SEPTIN7: variants seen among roughly 807,000 people sequenced by gnomAD.
The protein encoded by SEPTIN7 is septin 7.
In SEPTIN7, 10 loss-of-function variants were observed where a neutral mutation model predicts 63.3. The ratio of observed to expected loss-of-function variants is 0.16; its 90% CI spans 0.10 to 0.27. The LOEUF (loss-of-function observed/expected upper bound fraction) is 0.27, where lower values mean the gene tolerates loss of function less well. Ranked by LOEUF, SEPTIN7 falls within the 10% of genes least tolerant of loss-of-function variation. SEPTIN7 has a pLI of 1.00. For missense variants in SEPTIN7, 310 were observed against 521.0 expected (o/e 0.59, Z 3.94); for synonymous variants, 131 against 165.3 (o/e 0.79, Z 1.59).
At chr7:35,908,990 G>A (rs1443953860), downstream of SEPTIN7, among the ~76,000 whole-genome samples, 1 of 152,238 alleles carries the variant, frequency 6.6e-6, no homozygotes, top group Non-Finnish European at 1.5e-5. Context: ...GGATAAGCCA[G>A]TAGTTTTAAG....
intron 6 of SEPTIN7, among the ~76,000 whole-genome samples, chr7:35,875,839 G>A (rs914742935): frequency 1.3e-5 from 2 of 152,054 alleles, no homozygotes; most frequent in Non-Finnish European, 2.9e-5. Context: ...TTATGCTGTA[G>A]ACTTTGAGGT....
At chr7:35,819,992 T>C (rs1789316258) in intron 1 of SEPTIN7, among the ~76,000 whole-genome samples, 1 of 152,134 alleles carries the variant, frequency 6.6e-6, no homozygotes, top group African/African-American at 2.4e-5. Flanking sequence ...CTTTTTTTTT[T>C]TTTTGAGACA....
At chr7:35,886,534 A>C (rs1314293605) in intron 10 of SEPTIN7, among the ~76,000 whole-genome samples, 1 of 152,226 alleles carries the variant, frequency 6.6e-6, no homozygotes, top group African/African-American at 2.4e-5. Flanking sequence ...GACAAGGAAC[A>C]GAAAGGGCAT....
chr7:35,880,077 C>G, intron 7 of SEPTIN7, 137 bp downstream of exon 7: 1 of 596,560 alleles, frequency 1.7e-6, no homozygotes, highest in Non-Finnish European at 3.1e-6. Context: ...TTAGAAATAA[C>G]TCTTCAATCT....
intron 1 of SEPTIN7, among the ~76,000 whole-genome samples, chr7:35,816,110 C>A (rs185762453): frequency 5.3e-5 from 8 of 152,000 alleles, no homozygotes; most frequent in Admixed American, 5.2e-4. Flanking sequence ...TAAAATATAC[C>A]CCTTGAAAGC....
At chr7:35,876,717 C>G (rs1786495008) in intron 6 of SEPTIN7, among the ~76,000 whole-genome samples, 1 of 152,174 alleles carries the variant, frequency 6.6e-6, no homozygotes, top group Admixed American at 6.5e-5. Context: ...ACCTGTAATT[C>G]TAGCACTTTG....
At chr7:35,876,540 A>T (rs1786483295) in intron 6 of SEPTIN7, among the ~76,000 whole-genome samples, 1 of 152,174 alleles carries the variant, frequency 6.6e-6, no homozygotes, top group Non-Finnish European at 1.5e-5. Context: ...TTTTTTTTCA[A>T]AAATGGATAG....
At chr7:35,851,339 C>A (rs199693728) in intron 3 of SEPTIN7, among the ~76,000 whole-genome samples, 40 of 152,120 alleles carry the variant, frequency 2.6e-4, no homozygotes, top group East Asian at 1.7e-3. Context: ...CCAGTTATTT[C>A]CCCTTAAACT....
intron 1 of SEPTIN7, among the ~76,000 whole-genome samples, chr7:35,811,750 G>A (rs1462421836): frequency 5.9e-5 from 9 of 152,076 alleles, no homozygotes; most frequent in Non-Finnish European, 1.0e-4. Context: ...AAGGCTGGGC[G>A]CGGTGGCTCA....
At chr7:35,823,221 G>T (rs1783319644) in intron 1 of SEPTIN7, among the ~76,000 whole-genome samples, 1 of 152,020 alleles carries the variant, frequency 6.6e-6, no homozygotes, top group South Asian at 2.1e-4. Context: ...ATTTTTTCGA[G>T]ACAGAGTTTC....
chr7:35,871,445 A>G (rs978055630), intron 4 of SEPTIN7, among the ~76,000 whole-genome samples: 1 of 152,240 alleles, frequency 6.6e-6, no homozygotes, highest in South Asian at 2.1e-4. Context: ...TCAGATTTCA[A>G]GGACTAAGTA....
At chr7:35,822,781 A>C (rs779592119) in intron 1 of SEPTIN7, among the ~76,000 whole-genome samples, 6 of 152,212 alleles carry the variant, frequency 3.9e-5, no homozygotes, top group Non-Finnish European at 8.8e-5. Context: ...TCTCCTTCAA[A>C]AAGAACCCTG....
intron 4 of SEPTIN7, among the ~76,000 whole-genome samples, chr7:35,865,089 A>G (rs1038423834): frequency 4.0e-5 from 6 of 151,356 alleles, no homozygotes; most frequent in Admixed American, 1.3e-4. Flanking sequence ...ATTATGCTCT[A>G]AAAACTTGTT....
At position 35,890,527 on chromosome 7, in the gene SEPTIN7, C is replaced by G. The variant is rs1787567991; in HGVS notation, c.873-141C>G. The G allele has an allele frequency of 8.0e-6, 5 of 623,464 alleles. No individual in the cohort carries two copies. The Admixed American group carries it at 1.3e-4, about 16-fold the overall frequency. The allele number at this position is 623,464 out of a possible 1,614,324, so 38.6% of individuals were successfully genotyped here. A position where few individuals can be genotyped will look rare whatever the true frequency, so the allele number is the denominator to read the frequency against. On this transcript the variant is annotated intron_variant, in intron 10 of 13. Transcript: ENST00000350320. ...TGTAAATGAAAACAGATGAATGCCACCTTCCTTAACAATAGTCTTTTGTTC... is the reference window on the plus strand; with the variant it reads ...TGTAAATGAAAACAGATGAATGCCAGCTTCCTTAACAATAGTCTTTTGTTC...
At chr7:35,912,606 C>T in the SEPTIN7 span, among the ~76,000 whole-genome samples, 5 of 152,208 alleles carry the variant, frequency 3.3e-5, no homozygotes, top group African/African-American at 1.2e-4. Flanking sequence ...GTTAGAGTCT[C>T]CCCGACTGAG....
At position 35,879,950 on chromosome 7, in the gene SEPTIN7, A is replaced by G. The variant is rs1313960016; in HGVS notation, c.630+10A>G. On this transcript the variant is annotated intron_variant, in intron 7 of 13. Transcript: ENST00000350320. ...ACAGTTTAAAAAACAGGTGAGCAGG[A>G]TGTGTTAACCCAGGTTTCTTATACC... 2.7e-6 allele frequency: 4 copies of G among 1,474,320 alleles called. No homozygotes were observed. The highest frequency in any genetic ancestry group is 2.8e-6 in the Non-Finnish European group (3 of 1,068,594). 91.3% of individuals were successfully genotyped at this position (1,474,320 alleles called of 1,614,324 possible).
chr7:35,801,384 C>T (rs975716209), intron 1 of SEPTIN7, 114 bp downstream of exon 1: 10 of 1,326,252 alleles, frequency 7.5e-6, no homozygotes, highest in Non-Finnish European at 1.0e-5. Context: ...GAGGCAGCGG[C>T]GAGGGGAGCC....
At chr7:35,866,678 T>A (rs1207314711) in intron 4 of SEPTIN7, among the ~76,000 whole-genome samples, 1 of 152,214 alleles carries the variant, frequency 6.6e-6, no homozygotes, top group Non-Finnish European at 1.5e-5. Flanking sequence ...ATTTTTAGCC[T>A]CCTGTGTGTA....
downstream of SEPTIN7, among the ~76,000 whole-genome samples, chr7:35,910,308 G>T (rs1583667933): frequency 6.6e-6 from 1 of 152,176 alleles, no homozygotes; most frequent in Non-Finnish European, 1.5e-5. Context: ...TTTATAAATA[G>T]TCTTATTTGG....
Sources: allele counts gnomAD v4.1 joint callset (sites outside exome capture counted in the v4.1 genomes callset), GRCh38; gene constraint gnomAD v4.1.1; transcripts MANE v1.5; gene names NCBI Gene and HGNC (gene_info 2026-07-23, HGNC 2026-07-21).